Variants in PCDHGA2 observed in about 807,000 individuals in gnomAD.
The protein encoded by PCDHGA2 is protocadherin gamma subfamily A, 2.
A neutral mutation model predicts 59.2 loss-of-function variants in PCDHGA2; 40 were observed. That is an observed-to-expected ratio of 0.68 (90% CI 0.52 to 0.88). The LOEUF (loss-of-function observed/expected upper bound fraction) is 0.88, where lower values mean the gene tolerates loss of function less well. Ranked by LOEUF, PCDHGA2 falls within the 40% of genes least tolerant of loss-of-function variation. The pLI, the probability that PCDHGA2 is intolerant of heterozygous loss-of-function variation, is 0.00. For missense variants in PCDHGA2, 1,226 were observed against 1,204.0 expected (o/e 1.02, Z -0.27); for synonymous variants, 560 against 526.0 (o/e 1.06, Z -0.89).
chr5:141,485,920 T>G lies in PCDHGA2; in HGVS notation c.2425-8887T>G. 4 of 1,614,038 alleles carry G rather than the reference T, an allele frequency of 2.5e-6. No individual in the cohort carries two copies. Among genetic ancestry groups the G allele is most frequent in the Non-Finnish European group, 3.4e-6 (4 of 1,180,010 alleles). ...CCTTCCAGCAATCCAGCTACAGGAT[T>G]AGTGTGTTGGAGAGCGCACCAGCGG... On this transcript the variant is annotated intron_variant, in intron 1 of 3. Transcript: ENST00000394576. The surrounding 1 kb of genome is among the most constrained non-coding windows in gnomAD (Gnocchi z 5.7).
rs771503687 is a variant in PCDHGA2 at position 141,383,368 on chromosome 5, G to T, written c.2424+41973G>T. 3 of 1,614,014 alleles carry T rather than the reference G, an allele frequency of 1.9e-6. No individual in the cohort carries two copies. In the East Asian group the frequency reaches 6.7e-5, roughly 36 times the overall value. ...TGGGGTTCGGTTTCCGTTAAGCGAG[G>T]CTGGGGATCCAGATGTGGGCACGAA... On this transcript the variant is annotated intron_variant, in intron 1 of 3. Coordinates refer to ENST00000394576, the MANE Select transcript of PCDHGA2 (RefSeq NM_018915.4).
chr5:141,427,435 T>G, intron 1 of PCDHGA2: 1 of 474,160 alleles, frequency 2.1e-6, no homozygotes, highest in Non-Finnish European at 4.2e-6. Context: ...ACATGCCTCA[T>G]AAACGAAAGA....
At position 141,340,659 on chromosome 5, in the gene PCDHGA2, T is replaced by C; in HGVS notation, c.1688T>C (p.Leu563Pro). The C allele has an allele frequency of 6.2e-7, 1 of 1,614,196 alleles. No homozygotes were observed. Among genetic ancestry groups the C allele is most frequent in the Non-Finnish European group, 8.5e-7 (1 of 1,180,030 alleles). The change falls in exon 1 of 4, where the codon CTG becomes CCG. Residue 563 changes from leucine to proline, a missense_variant. Leu to Pro is a moderately conservative substitution (Grantham distance 98, BLOSUM62 -3). Transcript: ENST00000394576. ...LDQNDNAPEI[L>P]YPAFPTDGST... ...CAGAACGACAACGCGCCCGAGATCC[T>C]GTACCCTGCCTTCCCCACAGACGGT...
At chr5:141,357,367 C>T (rs377276213) in intron 1 of PCDHGA2, 5 of 1,614,178 alleles carry the variant, frequency 3.1e-6, no homozygotes, top group Admixed American at 1.7e-5. Flanking sequence ...GCACAAGTCA[C>T]GCCTGCTTCA....
intron 1 of PCDHGA2, chr5:141,423,628 AT>A (rs2096762361): frequency 6.2e-7 from 1 of 1,604,844 alleles, no homozygotes; most frequent in Admixed American, 1.7e-5. Flanking sequence ...CTCAGCTATC[AT>A]TTTAGGCAAA....
intron 1 of PCDHGA2, among the ~76,000 whole-genome samples, chr5:141,459,546 C>T (rs575349914): frequency 9.9e-5 from 15 of 152,102 alleles, no homozygotes; most frequent in African/African-American, 3.6e-4. Flanking sequence ...TTTTTTATTT[C>T]TCTTGGATAA....
chr5:141,393,477 C>T (rs1561642767), intron 1 of PCDHGA2: 1 of 1,614,040 alleles, frequency 6.2e-7, no homozygotes, highest in African/African-American at 1.3e-5. Context: ...CAAGCCGCCT[C>T]GCTCTAGCAC....
chr5:141,404,641 G>C, intron 1 of PCDHGA2: 2 of 1,614,178 alleles, frequency 1.2e-6, no homozygotes, highest in Non-Finnish European at 1.7e-6. Context: ...CAGAAATCCT[G>C]TACCCTGCCC....
chr5:141,375,955 C>A, intron 1 of PCDHGA2: 2 of 1,613,498 alleles, frequency 1.2e-6, no homozygotes, highest in Non-Finnish European at 1.7e-6. Flanking sequence ...TGCACACGGG[C>A]GAGGTGCGCA....
chr5:141,392,946 G>A, intron 1 of PCDHGA2: 2 of 1,613,940 alleles, frequency 1.2e-6, no homozygotes, highest in Non-Finnish European at 1.7e-6. Context: ...AGGCTCCTTC[G>A]TGGGTAATAT....
chr5:141,459,253 ATTAGTGTTGCCTCT>A (rs1439680561), intron 1 of PCDHGA2, among the ~76,000 whole-genome samples: 1 of 152,174 alleles, frequency 6.6e-6, no homozygotes, highest in African/African-American at 2.4e-5. Context: ...GTCACTATAA[ATTAGTGTTGCCTCT>A]TTCAGAATTT....
chr5:141,410,789 A>G (rs1264282350), intron 1 of PCDHGA2: 13 of 794,352 alleles, frequency 1.6e-5, no homozygotes, highest in Non-Finnish European at 2.4e-5. Flanking sequence ...TATTTGGTTC[A>G]TAAGTTGCTC....
intron 1 of PCDHGA2, among the ~76,000 whole-genome samples, chr5:141,474,970 A>C (rs1309289477): frequency 6.6e-6 from 1 of 152,212 alleles, no homozygotes; most frequent in Admixed American, 6.5e-5. Context: ...TAATCATTAT[A>C]ATTTTGTTTG....
intron 1 of PCDHGA2, chr5:141,399,813 G>A (rs985564503): frequency 6.2e-7 from 1 of 1,613,198 alleles, no homozygotes; most frequent in Non-Finnish European, 8.5e-7. Context: ...TGTACCCCGC[G>A]CTGGGTCCCG....
intron 1 of PCDHGA2, chr5:141,392,593 C>T (rs986653235): frequency 1.0e-5 from 5 of 494,076 alleles, no homozygotes; most frequent in Admixed American, 7.6e-5. Flanking sequence ...CCGCTGTTCA[C>T]CTACTGGAAG....
intron 1 of PCDHGA2, chr5:141,351,193 T>C (rs1003354716): frequency 1.2e-6 from 2 of 1,614,034 alleles, no homozygotes; most frequent in South Asian, 1.1e-5. Flanking sequence ...CAAGTAGATA[T>C]GTGTTGAGTG....
rs778744503 is a variant in PCDHGA2, at chr5:141,511,152, G to C, written c.2778G>C (p.Ser926=). 2 of 1,614,140 alleles carry C rather than the reference G, an allele frequency of 1.2e-6. No individual in the cohort carries two copies. Among genetic ancestry groups the C allele is most frequent in the South Asian group, 2.2e-5 (2 of 91,086 alleles). The change falls in exon 4 of 4, where the codon TCG becomes TCC. Residue 926 remains serine, a synonymous_variant. Coordinates refer to ENST00000394576, the MANE Select transcript of PCDHGA2 (RefSeq NM_018915.4). ...PAGGNGNKKK[S]GKKEKK ...GTGGCAATGGCAACAAGAAGAAGTC[G>C]GGCAAGAAGGAGAAGAAGTAACATG...
At chr5:141,417,892 C>T (rs550343206) in intron 1 of PCDHGA2, 13 of 1,570,660 alleles carry the variant, frequency 8.3e-6, no homozygotes, top group African/African-American at 5.4e-5. Flanking sequence ...GGCGCCGGGC[C>T]GGCCCGCGGC....
intron 1 of PCDHGA2, chr5:141,345,794 G>C (rs1266518687): frequency 6.2e-7 from 1 of 1,613,940 alleles, no homozygotes; most frequent in African/African-American, 1.3e-5. Context: ...CCGGCTACCT[G>C]GTGACCAAGG....
Sources: gnomAD v4.1 joint callset for allele counts (sites outside exome capture counted in the v4.1 genomes callset) on GRCh38, gnomAD v4.1.1 for gene constraint, Gnocchi (gnomAD v3.1) non-coding constraint, MANE v1.5 for transcripts, NCBI Gene and HGNC (gene_info 2026-07-23, HGNC 2026-07-21) for gene names.